The following CACNA2D2 variants were observed in gnomAD, a reference collection of about 807,000 sequenced individuals.
CACNA2D2 encodes voltage-dependent calcium channel subunit alpha-2/delta-2.
CACNA2D2 carries 48 observed loss-of-function variants against 166.4 expected under a neutral mutation model. The ratio of observed to expected loss-of-function variants is 0.29; its 90% CI spans 0.23 to 0.37. CACNA2D2 has a LOEUF of 0.37. CACNA2D2 is among the 10% of genes least tolerant of loss of function. CACNA2D2 has a pLI of 1.00. For missense variants in CACNA2D2, 1,122 were observed against 1,433.0 expected (o/e 0.78, Z 3.50); for synonymous variants, 561 against 573.7 (o/e 0.98, Z 0.32).
At position 50,503,170 on chromosome 3, in the gene CACNA2D2, G is replaced by A. The variant is rs1241125158; in HGVS notation, c.206+48C>T. 14 of 1,110,836 alleles carry A rather than the reference G, an allele frequency of 1.3e-5. No homozygotes were observed. In the Middle Eastern group the frequency reaches 1.1e-3, roughly 87 times the overall value. 68.8% of individuals were successfully genotyped at this position (1,110,836 alleles called of 1,614,324 possible). The stretch of plus-strand genomic sequence containing the variant: ...GAGTAGCGCGGACCGGGGGCAGAGC[G>A]GGGCGCAAGGCTCGGCCGGGGTCTC... On this transcript the variant is annotated intron_variant, in intron 1 of 37. Transcript: ENST00000424201.
Position 50,379,575 on chromosome 3 carries a change from G to C in CACNA2D2, c.1009C>G (p.Gln337Glu). ...VNVASFNEKAQPVSCFTHLVQ... is the reference protein window; with the variant it reads ...VNVASFNEKAEPVSCFTHLVQ... ...AGGTGTGTGAAGCATGACACAGGCT[G>C]TGCCTTCTCGTTGAACTGCAGGAAC... is the stretch of plus-strand genomic sequence containing the variant. The change falls in exon 11 of 38, where the codon CAG becomes GAG. Residue 337 changes from glutamine (Q) to glutamate (E), a missense_variant. By Grantham distance (29) the Gln-to-Glu change is conservative (BLOSUM62 2). Transcript: ENST00000424201. This position sits in a 1 kb window ranked among gnomAD's most constrained non-coding sequence, Gnocchi z 6.5. The C allele has an allele frequency of 6.2e-7, 1 of 1,613,960 alleles. No individual in the cohort carries two copies. Among genetic ancestry groups the C allele is most frequent in the Non-Finnish European group, 8.5e-7 (1 of 1,180,028 alleles).
chr3:50,499,165 G>T (rs1277255292), intron 1 of CACNA2D2, among the ~76,000 whole-genome samples: 1 of 152,360 alleles, frequency 6.6e-6, no homozygotes, highest in East Asian at 1.9e-4. Flanking sequence ...GCCTGAGAGA[G>T]TGGCACAGCC....
intron 3 of CACNA2D2, among the ~76,000 whole-genome samples, chr3:50,414,347 C>G (rs1046062999): frequency 6.6e-6 from 1 of 152,144 alleles, no homozygotes; most frequent in African/African-American, 2.4e-5. Context: ...CCACTGGGGT[C>G]TCTGCAGTCT....
chr3:50,402,642 C>G (rs1187899980), intron 3 of CACNA2D2, among the ~76,000 whole-genome samples: 1 of 152,234 alleles, frequency 6.6e-6, no homozygotes, highest in Non-Finnish European at 1.5e-5. Context: ...AGATATTGCC[C>G]TGCTCAGCCC....
intron 2 of CACNA2D2, among the ~76,000 whole-genome samples, chr3:50,460,142 T>C (rs963823277): frequency 2.0e-5 from 3 of 152,218 alleles, no homozygotes; most frequent in Non-Finnish European, 4.4e-5. Context: ...AGCCTGTTTT[T>C]TAAAATTAAA....
chr3:50,462,422 A>ATAC (rs1411911370), intron 2 of CACNA2D2, among the ~76,000 whole-genome samples: 3 of 147,760 alleles, frequency 2.0e-5, no homozygotes, highest in Non-Finnish European at 4.5e-5. Context: ...AATAATAATA[A>ATAC]TAATAATAAT....
intron 3 of CACNA2D2, among the ~76,000 whole-genome samples, chr3:50,419,254 A>G (rs1283574312): frequency 1.3e-5 from 2 of 152,158 alleles, no homozygotes; most frequent in Non-Finnish European, 2.9e-5. Context: ...ATCTCCCTTC[A>G]GAGTTAGGGA....
intron 5 of CACNA2D2, among the ~76,000 whole-genome samples, chr3:50,385,382 C>T (rs760150799): frequency 1.3e-5 from 2 of 152,174 alleles, no homozygotes; most frequent in African/African-American, 2.4e-5. Flanking sequence ...CACCCTCAGC[C>T]CAGGCTTAGC....
In CACNA2D2 at chr3:50,366,706, G is replaced by A; in HGVS notation, c.2590-81C>T. 3.2e-6 allele frequency: 5 copies of A among 1,584,084 alleles called. No individual in the cohort carries two copies. Among genetic ancestry groups the A allele is most frequent in the Non-Finnish European group, 4.3e-6 (5 of 1,154,904 alleles). On this transcript the variant is annotated intron_variant, in intron 29 of 37. Transcript: ENST00000424201. This position sits in a 1 kb window ranked among gnomAD's most constrained non-coding sequence, Gnocchi z 5.9. ...CACCTTTCATACATCCGGTTCCCCA[G>A]GCCATCTGCAGCTGGCCCTGCCTCC...
At chr3:50,381,888 C>T (rs1402511205) in intron 6 of CACNA2D2, among the ~76,000 whole-genome samples, 1 of 151,916 alleles carries the variant, frequency 6.6e-6, no homozygotes, top group Non-Finnish European at 1.5e-5. Context: ...CTCATGGGTC[C>T]TGCTCACAAC....
intron 3 of CACNA2D2, among the ~76,000 whole-genome samples, chr3:50,403,826 G>C (rs990128032): frequency 1.3e-5 from 2 of 152,234 alleles, no homozygotes; most frequent in African/African-American, 4.8e-5. Context: ...CCCCTGGCTA[G>C]CTCCTCCTCA....
chr3:50,368,295 A>C, intron 23 of CACNA2D2, 60 bp from the exon 24 acceptor site: 1 of 1,058,062 alleles, frequency 9.5e-7, no homozygotes, highest in South Asian at 1.3e-5. Flanking sequence ...CAATGGGGTC[A>C]AGGCTTCCCA....
At chr3:50,484,599 C>A (rs539334115) in intron 1 of CACNA2D2, among the ~76,000 whole-genome samples, 5 of 152,224 alleles carry the variant, frequency 3.3e-5, no homozygotes, top group East Asian at 1.9e-4. Flanking sequence ...CACCTCCCTC[C>A]GGTCTCCACA....
intron 14 of CACNA2D2, 84 bp from the exon 15 acceptor site, chr3:50,378,181 C>T (rs1705089473): frequency 6.3e-7 from 1 of 1,579,192 alleles, no homozygotes. Flanking sequence ...GGATTGTGCC[C>T]CAGCCACTGT....
At chr3:50,399,598 T>C (rs1217453259) in intron 3 of CACNA2D2, among the ~76,000 whole-genome samples, 2 of 152,118 alleles carry the variant, frequency 1.3e-5, no homozygotes, top group African/African-American at 2.4e-5. Context: ...GCTTCACTGC[T>C]GCCTCCCCAG....
intron 1 of CACNA2D2, among the ~76,000 whole-genome samples, chr3:50,496,447 CAT>C (rs766083873): frequency 9.2e-5 from 14 of 152,340 alleles, no homozygotes; most frequent in Admixed American, 7.8e-4. Flanking sequence ...TACAAGCTGA[CAT>C]GTGCACACAG....
chr3:50,367,126 G>C lies in CACNA2D2; in HGVS notation c.2402-17C>G. 1.9e-6 allele frequency: 3 copies of C among 1,594,456 alleles called. No individual in the cohort carries two copies. Among genetic ancestry groups the C allele is most frequent in the Non-Finnish European group, 2.6e-6 (3 of 1,163,814 alleles). On this transcript the variant is annotated splice_polypyrimidine_tract_variant and intron_variant, in intron 27 of 37. Transcript: ENST00000424201. This position sits in a 1 kb window ranked among gnomAD's most constrained non-coding sequence, Gnocchi z 6.5. The stretch of plus-strand genomic sequence containing the variant: ...TTAACAGGGCTGGGGGTTGGGTGGG[G>C]AAGTCAGGAGTGGGGTCTGGCGGCC...
chr3:50,406,587 T>TCC lies in CACNA2D2; in HGVS notation c.406-12421_406-12420dup, dbSNP rs986270867. On this transcript the variant is annotated intron_variant, in intron 3 of 37. Transcript: ENST00000424201. ...GTCCCCATGTTCACTGCCAACATCC[T>TCC]CCCCATCACCATTGCCAATATTACT... Among the ~76,000 whole-genome samples, 12 of 151,228 alleles carry TCC rather than the reference T, an allele frequency of 7.9e-5. 1 individual carries two copies. Among genetic ancestry groups the TCC allele is most frequent in the African/African-American group, 2.4e-4 (10 of 41,346 alleles).
In CACNA2D2 at chr3:50,387,730, TC is replaced by T. The variant is rs1705684941; in HGVS notation, c.466-119del. The T allele has an allele frequency of 1.9e-5, 15 of 788,322 alleles. No individual in the cohort carries two copies. In the East Asian group the frequency reaches 3.4e-4, roughly 18 times the overall value. The allele number at this position is 788,322 out of a possible 1,614,324, so 48.8% of individuals were successfully genotyped here. ...TCCTCTGGGGCAGAGACTGTCCCTTTCCCCCACCCAGAGCCCCCCTCCTGGA... is the reference window on the plus strand; with the variant it reads ...TCCTCTGGGGCAGAGACTGTCCCTTTCCCCACCCAGAGCCCCCCTCCTGGA... On this transcript the variant is annotated intron_variant, in intron 4 of 37. Coordinates refer to ENST00000424201, the MANE Select transcript of CACNA2D2 (RefSeq NM_006030.4).
Sources: allele counts gnomAD v4.1 joint callset (sites outside exome capture counted in the v4.1 genomes callset), GRCh38; gene constraint gnomAD v4.1.1; non-coding constraint Gnocchi (gnomAD v3.1); transcripts MANE v1.5; gene names NCBI Gene and HGNC (gene_info 2026-07-23, HGNC 2026-07-21).